Variants in UCK2 observed in about 807,000 individuals in gnomAD.
UCK2 encodes the protein cytidine monophosphokinase 2.
In UCK2, 6 loss-of-function variants were observed where a neutral mutation model predicts 30.8. That is an observed-to-expected ratio of 0.19 (90% CI 0.11 to 0.38). The LOEUF (loss-of-function observed/expected upper bound fraction) is 0.38, where lower values mean the gene tolerates loss of function less well. UCK2 is among the 10% of genes least tolerant of loss of function. UCK2 has a pLI of 1.00. For synonymous variants in UCK2, 125 were observed against 133.6 expected (o/e 0.94, Z 0.45); for missense variants, 210 against 339.8 (o/e 0.62, Z 3.00).
chr1:165,901,837 G>A (rs1457837524), intron 4 of UCK2, among the ~76,000 whole-genome samples: 2 of 151,178 alleles, frequency 1.3e-5, no homozygotes, highest in African/African-American at 4.9e-5. Context: ...TTAATAAAGA[G>A]TGTATGGGCT....
At chr1:165,834,216 G>C (rs542077908) in intron 1 of UCK2, among the ~76,000 whole-genome samples, 3 of 152,246 alleles carry the variant, frequency 2.0e-5, no homozygotes, top group African/African-American at 7.2e-5. Flanking sequence ...ATTTGAAAAA[G>C]TTACCTCTAA....
At chr1:165,842,023 C>A (rs1654342977) in intron 1 of UCK2, among the ~76,000 whole-genome samples, 1 of 152,216 alleles carries the variant, frequency 6.6e-6, no homozygotes, top group Non-Finnish European at 1.5e-5. Context: ...GCTTTTCTTG[C>A]TAAAGTCACC....
chr1:165,859,543 G>A (rs886110323), intron 1 of UCK2, among the ~76,000 whole-genome samples: 5 of 152,150 alleles, frequency 3.3e-5, no homozygotes, highest in South Asian at 2.1e-4. Flanking sequence ...CAGTGGGGCC[G>A]GGAGCTGTGG....
At position 165,841,076 on chromosome 1, in the gene UCK2, T is replaced by C. The variant is rs181771035; in HGVS notation, c.99+13144T>C. 2.2e-4 allele frequency among the ~76,000 whole-genome samples: 32 copies of C among 147,270 alleles called. No individual in the cohort carries two copies. In the East Asian group the frequency reaches 5.8e-3, roughly 27 times the overall value. On this transcript the variant is annotated intron_variant, in intron 1 of 6. Coordinates refer to ENST00000367879, the MANE Select transcript of UCK2 (RefSeq NM_012474.5). Reference sequence around the variant, plus strand: ...GTAACTTAGCCTTGTACAGGAGATATATATTTGTGTGTGCACACGTATGTG... The same window carrying C: ...GTAACTTAGCCTTGTACAGGAGATACATATTTGTGTGTGCACACGTATGTG...
Position 165,890,230 on chromosome 1 carries a change from G to C in UCK2, c.126G>C (p.Gln42His). The change falls in exon 2 of 7, where the codon CAG (glutamine) becomes CAC (histidine). Residue 42 changes from glutamine to histidine, a missense_variant. Coordinates refer to ENST00000367879, the MANE Select transcript of UCK2 (RefSeq NM_012474.5). ...CTTCCGTGTGTGCTAAGATCGTGCA[G>C]CTCCTGGGGCAGAATGAGGTGGACT... ...GKSSVCAKIV[Q>H]LLGQNEVDYR... The C allele has an allele frequency of 6.2e-7, 1 of 1,614,156 alleles. No individual in the cohort carries two copies. The highest frequency in any genetic ancestry group is 8.5e-7 in the Non-Finnish European group (1 of 1,180,036).
intron 1 of UCK2, among the ~76,000 whole-genome samples, chr1:165,861,362 C>G (rs1478454406): frequency 6.6e-6 from 1 of 152,100 alleles, no homozygotes; most frequent in East Asian, 1.9e-4. Flanking sequence ...GGCGCGGTGG[C>G]TCACGCCTGT....
Position 165,868,116 on chromosome 1 carries a change from A to G in UCK2, c.100-22088A>G, listed in dbSNP as rs1320912871. ...CTAGGTGCATTGCTGATGAGCAGTA[A>G]TATTTTGAAAGGAATCTTTTTTTAT... On this transcript the variant is annotated intron_variant, in intron 1 of 6. Transcript: ENST00000367879. Among the ~76,000 whole-genome samples the G allele has an allele frequency of 3.3e-5, 5 of 152,320 alleles. No homozygotes were observed. In the East Asian group the frequency reaches 9.6e-4, roughly 29 times the overall value.
intron 1 of UCK2, among the ~76,000 whole-genome samples, chr1:165,851,547 C>T (rs994024754): frequency 6.6e-6 from 1 of 152,134 alleles, no homozygotes; most frequent in Non-Finnish European, 1.5e-5. Context: ...GCATGCCACT[C>T]CCCGACCCCT....
At chr1:165,874,446 A>G (rs1655282702) in intron 1 of UCK2, among the ~76,000 whole-genome samples, 1 of 152,126 alleles carries the variant, frequency 6.6e-6, no homozygotes, top group South Asian at 2.1e-4. Context: ...TACCTTTTGT[A>G]AAAAACATGT....
chr1:165,869,305 T>G (rs1006759777), intron 1 of UCK2, among the ~76,000 whole-genome samples: 2 of 152,164 alleles, frequency 1.3e-5, no homozygotes, highest in Non-Finnish European at 2.9e-5. Context: ...AAAATGGTAT[T>G]AACAAGACTT....
At chr1:165,865,197 T>A (rs1248573849) in intron 1 of UCK2, among the ~76,000 whole-genome samples, 1 of 152,238 alleles carries the variant, frequency 6.6e-6, no homozygotes, top group African/African-American at 2.4e-5. Context: ...ATGACGGGCA[T>A]CTTCCTAAGT....
chr1:165,901,122 G>A (rs1647445698), intron 4 of UCK2, among the ~76,000 whole-genome samples: 1 of 152,214 alleles, frequency 6.6e-6, no homozygotes, highest in Non-Finnish European at 1.5e-5. Flanking sequence ...TGCCAGAGCA[G>A]CAGGTCGGCA....
rs1439946610 is a variant in UCK2, at chr1:165,908,473, C to CA, written c.*655dup. On this transcript the variant is annotated 3_prime_UTR_variant, in exon 7 of 7. Transcript: ENST00000367879. ...GTTGAAATTAGGTAAAATCTCAACT[C>CA]AAAAATCAAACTCAGGGAAGAGGCC... 5.0e-5 allele frequency: 7 copies of CA among 141,348 alleles called. No individual in the cohort carries two copies. The highest frequency in any genetic ancestry group is 1.9e-4 in the African/African-American group (7 of 37,282). The allele number at this position is 141,348 out of a possible 1,614,324, so 8.8% of individuals were successfully genotyped here.
chr1:165,829,146 G>T (rs1653976628), intron 1 of UCK2, among the ~76,000 whole-genome samples: 1 of 152,158 alleles, frequency 6.6e-6, no homozygotes, highest in Non-Finnish European at 1.5e-5. Flanking sequence ...GGCGGCTGGC[G>T]CTGCTGGACT....
At chr1:165,879,344 G>A (rs1470601839) in intron 1 of UCK2, among the ~76,000 whole-genome samples, 5 of 152,124 alleles carry the variant, frequency 3.3e-5, no homozygotes, top group South Asian at 2.1e-4. Context: ...TTTTTTGGTC[G>A]ATGGATATCC....
At chr1:165,835,291 T>C (rs902505785) in intron 1 of UCK2, among the ~76,000 whole-genome samples, 7 of 146,792 alleles carry the variant, frequency 4.8e-5, no homozygotes, top group African/African-American at 1.9e-4. Flanking sequence ...TGGAGAATTC[T>C]TCATCCCATT....
At chr1:165,903,313 G>A (rs750100739) in intron 5 of UCK2, 34 bp downstream of exon 5, 1 of 1,591,872 alleles carries the variant, frequency 6.3e-7, no homozygotes, top group Non-Finnish European at 8.6e-7. Flanking sequence ...TTTGTTGAAT[G>A]TAGAATTTAA....
At chr1:165,903,006 A>G in intron 4 of UCK2, 176 bp from the exon 5 acceptor site, 1 of 473,876 alleles carries the variant, frequency 2.1e-6, no homozygotes, top group Non-Finnish European at 3.8e-6. Context: ...TCAGAATGTA[A>G]CTTGTCTTTT....
chr1:165,907,328 C>T (rs1303223189), intron 6 of UCK2, among the ~76,000 whole-genome samples: 3 of 152,208 alleles, frequency 2.0e-5, no homozygotes, highest in Non-Finnish European at 4.4e-5. Flanking sequence ...GGAAAGGTCT[C>T]ATAGCTAATT....
Sources: gnomAD v4.1 joint callset for allele counts (sites outside exome capture counted in the v4.1 genomes callset) on GRCh38, gnomAD v4.1.1 for gene constraint, MANE v1.5 for transcripts, NCBI Gene and HGNC (gene_info 2026-07-23, HGNC 2026-07-21) for gene names.